Variants in KPNA3 observed in about 807,000 individuals in gnomAD.
The protein encoded by KPNA3 is importin subunit alpha-4.
In KPNA3, 13 loss-of-function variants were observed where a neutral mutation model predicts 73.8. The ratio of observed to expected loss-of-function variants is 0.18; its 90% CI spans 0.11 to 0.28. The LOEUF (loss-of-function observed/expected upper bound fraction) is 0.28, where lower values mean the gene tolerates loss of function less well. Among genes scored for constraint, KPNA3 ranks in the 10% least tolerant of loss-of-function variants. The pLI is 1.00. For missense variants in KPNA3, 360 were observed against 618.1 expected (o/e 0.58, Z 4.43); for synonymous variants, 186 against 206.9 (o/e 0.90, Z 0.87).
chr13:49,762,406 G>A (rs186226311), intron 1 of KPNA3, among the ~76,000 whole-genome samples: 3,091 of 152,314 alleles, frequency 0.02, 43 homozygotes, highest in South Asian at 0.03. Context: ...TGATGATGGC[G>A]GTTTTGTGGA....
In KPNA3 at chr13:49,706,277, C is replaced by T. The variant is rs1425939491; in HGVS notation, c.1128G>A (p.Gln376=). The change falls in exon 13 of 17, where the codon CAG becomes CAA. Residue 376 remains glutamine (Q), a synonymous_variant. Transcript: ENST00000261667. ...TCATAATATGACCAACCTTAGCAAG[C>T]TGATGAATTATCATAGGAATTAATC... ...DAGLIPMIIH[Q]LAKGDFGTQK... 6.2e-7 allele frequency: 1 copy of T among 1,613,578 alleles called. No individual in the cohort carries two copies. Among genetic ancestry groups the T allele is most frequent in the Non-Finnish European group, 8.5e-7 (1 of 1,179,676 alleles).
intron 2 of KPNA3, among the ~76,000 whole-genome samples, chr13:49,745,860 G>A (rs1163026984): frequency 6.6e-6 from 1 of 151,172 alleles, no homozygotes; most frequent in East Asian, 2.0e-4. Context: ...TCAGGAGATC[G>A]AGACCATCCT....
intron 10 of KPNA3, among the ~76,000 whole-genome samples, chr13:49,718,026 T>C (rs140031050): frequency 2.3e-4 from 35 of 152,320 alleles, no homozygotes; most frequent in Non-Finnish European, 3.8e-4. Flanking sequence ...TGGATTATAC[T>C]GAATATGTGA....
intron 15 of KPNA3, among the ~76,000 whole-genome samples, chr13:49,702,769 G>A (rs1252476443): frequency 6.6e-6 from 1 of 152,180 alleles, no homozygotes; most frequent in Non-Finnish European, 1.5e-5. Context: ...GGAAGCTGTG[G>A]CATAAATATG....
rs1954145299 is a variant in KPNA3 at position 49,701,317 on chromosome 13, T to TTGGCTTGTA, written c.*482_*483insTACAAGCCA. 1.0e-5 allele frequency: 2 copies of TTGGCTTGTA among 192,298 alleles called. No homozygotes were observed. Among genetic ancestry groups the TTGGCTTGTA allele is most frequent in the South Asian group, 8.5e-5 (1 of 11,754 alleles). 11.9% of individuals were successfully genotyped at this position (192,298 alleles called of 1,614,324 possible). On this transcript the variant is annotated 3_prime_UTR_variant, in exon 17 of 17. Coordinates refer to ENST00000261667, the MANE Select transcript of KPNA3 (RefSeq NM_002267.4). ...ATTTGGCTTGTACTTTAAAATCTATTCTTCCACATAAAGAATATGAAAATA... is the reference window on the plus strand; with the variant it reads ...ATTTGGCTTGTACTTTAAAATCTATTTGGCTTGTACTTCCACATAAAGAATATGAAAATA...
Position 49,752,136 on chromosome 13 carries a change from T to C in KPNA3, c.70-5143A>G, listed in dbSNP as rs138323686. On this transcript the variant is annotated intron_variant, in intron 1 of 16. Coordinates refer to ENST00000261667, the MANE Select transcript of KPNA3 (RefSeq NM_002267.4). ...AAGGCAACTTGAGAACAGTTGCAAA[T>C]GGAAGGGATCTTTTGCACACATCAA... Among the ~76,000 whole-genome samples the C allele has an allele frequency of 1.2e-4, 19 of 152,272 alleles. No homozygotes were observed. In the East Asian group the frequency reaches 3.5e-3, roughly 28 times the overall value.
Position 49,704,453 on chromosome 13 carries a change from ATAAAT to A in KPNA3, c.1372+1163_1372+1167del, listed in dbSNP as rs1566330863. Among the ~76,000 whole-genome samples, 9 of 88,272 alleles carry A rather than the reference ATAAAT, an allele frequency of 1.0e-4. 1 individual carries two copies. The highest frequency in any genetic ancestry group is 7.7e-4 in the Admixed American group (6 of 7,806). The allele number at this position is 88,272 out of a possible 152,430, so 57.9% of individuals were successfully genotyped here. ...AAATAAAAAATAAATAAATAAATAAATAAATAAATAAATAAATAAATAAATAAATA... is the reference window on the plus strand; with the variant it reads ...AAATAAAAAATAAATAAATAAATAAAAAATAAATAAATAAATAAATAAATA... On this transcript the variant is annotated intron_variant, in intron 15 of 16. Transcript: ENST00000261667.
At chr13:49,704,729 T>A (rs1288417222) in intron 15 of KPNA3, among the ~76,000 whole-genome samples, 1 of 152,134 alleles carries the variant, frequency 6.6e-6, no homozygotes, top group East Asian at 1.9e-4. Context: ...ATACAGTATG[T>A]CAAATCACAA....
chr13:49,732,848 G>T, intron 3 of KPNA3, 72 bp from the exon 4 acceptor site: 1 of 1,323,734 alleles, frequency 7.6e-7, no homozygotes, highest in Non-Finnish European at 1.1e-6. Flanking sequence ...GTGTACCTGA[G>T]TTAATATACT....
chr13:49,707,299 G>A (rs534909344), intron 12 of KPNA3, among the ~76,000 whole-genome samples: 1 of 152,120 alleles, frequency 6.6e-6, no homozygotes, highest in Non-Finnish European at 1.5e-5. Flanking sequence ...TTCCACAAAT[G>A]AATTTGTTTT....
chr13:49,769,537 T>C (rs991201251), intron 1 of KPNA3, among the ~76,000 whole-genome samples: 3 of 152,354 alleles, frequency 2.0e-5, no homozygotes, highest in East Asian at 3.9e-4. Context: ...TCATATAATA[T>C]GTGGACTTTC....
intron 1 of KPNA3, among the ~76,000 whole-genome samples, chr13:49,783,707 A>G (rs1365530050): frequency 2.0e-5 from 3 of 152,238 alleles, no homozygotes; most frequent in East Asian, 1.9e-4. Context: ...CCAAGAAGTT[A>G]CTTTTTTTTC....
At chr13:49,712,230 A>G (rs1374546797) in intron 10 of KPNA3, among the ~76,000 whole-genome samples, 2 of 152,210 alleles carry the variant, frequency 1.3e-5, no homozygotes, top group African/African-American at 4.8e-5. Flanking sequence ...AACCCTTCAT[A>G]CCAAGATCCA....
rs1362199536 is a variant in KPNA3 at position 49,700,554 on chromosome 13, T to C, written c.*1246A>G. ...GCAAATCAGGTTTATGTTAAATAAC[T>C]GCAAATTACTCCTCTACACAGATCC... On this transcript the variant is annotated 3_prime_UTR_variant, in exon 17 of 17. Transcript: ENST00000261667. 1 of 152,658 alleles carries C rather than the reference T, an allele frequency of 6.6e-6. No individual in the cohort carries two copies. The highest frequency in any genetic ancestry group is 1.5e-5 in the Non-Finnish European group (1 of 68,042). The allele number at this position is 152,658 out of a possible 1,614,324, so 9.5% of individuals were successfully genotyped here. A position where few individuals can be genotyped will look rare whatever the true frequency, so the allele number is the denominator to read the frequency against.
intron 12 of KPNA3, among the ~76,000 whole-genome samples, chr13:49,707,311 C>T (rs748328801): frequency 6.6e-6 from 1 of 152,116 alleles, no homozygotes; most frequent in Non-Finnish European, 1.5e-5. Context: ...ATTTGTTTTG[C>T]CATCCAACTG....
rs947572419 is a variant in KPNA3, at chr13:49,706,174, A to G, written c.1138-5T>C. 1 of 1,613,510 alleles carries G rather than the reference A, an allele frequency of 6.2e-7. No homozygotes were observed. The highest frequency in any genetic ancestry group is 8.5e-7 in the Non-Finnish European group (1 of 1,179,872). On this transcript the variant is annotated splice_region_variant and splice_polypyrimidine_tract_variant and intron_variant, in intron 13 of 16. Transcript: ENST00000261667. ...TTTTTGTGTTCCAAAGTCCCCCTGA[A>G]GGTTAAAAATGAGATCATAAAATGG...
intron 1 of KPNA3, among the ~76,000 whole-genome samples, chr13:49,754,431 G>T (rs2137575993): frequency 6.6e-6 from 1 of 152,226 alleles, no homozygotes; most frequent in South Asian, 2.1e-4. Flanking sequence ...AGTGCTGAGA[G>T]AGAAATTTAA....
intron 10 of KPNA3, among the ~76,000 whole-genome samples, chr13:49,717,982 T>C (rs1331998796): frequency 6.6e-6 from 1 of 152,238 alleles, no homozygotes; most frequent in African/African-American, 2.4e-5. Flanking sequence ...GTTTATGTGC[T>C]TATGGTATGA....
chr13:49,714,093 T>C (rs533106587), intron 10 of KPNA3, among the ~76,000 whole-genome samples: 45 of 152,096 alleles, frequency 3.0e-4, no homozygotes, highest in Non-Finnish European at 6.2e-4. Context: ...TAAAGGAAAA[T>C]TCATAGCCTT....
Sources: allele counts gnomAD v4.1 joint callset (sites outside exome capture counted in the v4.1 genomes callset), GRCh38; gene constraint gnomAD v4.1.1; transcripts MANE v1.5; gene names NCBI Gene and HGNC (gene_info 2026-07-23, HGNC 2026-07-21).